The following FRMD4A variants were observed in gnomAD, a reference collection of about 807,000 sequenced individuals.
FRMD4A encodes the protein FERM domain containing 4A, also known as FERM domain-containing protein 4A.
Under a neutral mutation model 129.1 loss-of-function variants are expected in FRMD4A, and 29 were observed. The observed-to-expected ratio is 0.22, with a 90% CI of 0.17 to 0.31. The LOEUF (loss-of-function observed/expected upper bound fraction) is 0.31. Among genes scored for constraint, FRMD4A ranks in the 10% least tolerant of loss-of-function variants. The pLI, the probability that FRMD4A is intolerant of heterozygous loss-of-function variation, is 1.00. For synonymous variants in FRMD4A, 634 were observed against 571.6 expected (o/e 1.11, Z -1.56); for missense variants, 1,272 against 1,375.8 (o/e 0.92, Z 1.19).
intron 2 of FRMD4A, among the ~76,000 whole-genome samples, chr10:14,180,362 G>C (rs1323911946): frequency 6.6e-6 from 1 of 152,168 alleles, no homozygotes; most frequent in Non-Finnish European, 1.5e-5. Flanking sequence ...TTTGCTGTGT[G>C]ACTTTGCCAC....
intron 12 of FRMD4A, 114 bp from the exon 13 acceptor site, chr10:13,707,227 C>T (rs946785078): frequency 2.1e-5 from 17 of 818,140 alleles, no homozygotes; most frequent in Non-Finnish European, 3.2e-5. Context: ...AAACAGAGAC[C>T]GTAGTCTGTG....
intron 12 of FRMD4A, among the ~76,000 whole-genome samples, chr10:13,723,514 A>T (rs1447783520): frequency 1.3e-5 from 2 of 152,206 alleles, no homozygotes; most frequent in Non-Finnish European, 2.9e-5. Context: ...AGAGTTCTGA[A>T]GATCTGTTGC....
intron 5 of FRMD4A, among the ~76,000 whole-genome samples, chr10:13,790,614 G>A (rs1485485222): frequency 2.0e-5 from 3 of 152,160 alleles, no homozygotes; most frequent in African/African-American, 4.8e-5. Flanking sequence ...GAGCATGTTC[G>A]AATGAGCCCA....
At chr10:13,755,509 C>A (rs2091823144) in intron 8 of FRMD4A, among the ~76,000 whole-genome samples, 1 of 152,194 alleles carries the variant, frequency 6.6e-6, no homozygotes, top group Admixed American at 6.5e-5. Context: ...CTCCCCTGGG[C>A]ACCTAATAAC....
chr10:13,784,242 G>A (rs10796127), intron 5 of FRMD4A, among the ~76,000 whole-genome samples: 55,631 of 152,008 alleles, frequency 0.37, 10,310 homozygotes, highest in Middle Eastern at 0.41. Flanking sequence ...GGGAGTCAGA[G>A]AGCAGTGATG....
intron 9 of FRMD4A, among the ~76,000 whole-genome samples, chr10:13,741,041 G>A (rs773763171): frequency 5.9e-5 from 9 of 152,124 alleles, no homozygotes; most frequent in Non-Finnish European, 1.2e-4. Context: ...TGGCCAGGCT[G>A]GTCTCAAACT....
At chr10:13,983,847 A>T (rs566585714) in intron 2 of FRMD4A, among the ~76,000 whole-genome samples, 1 of 151,964 alleles carries the variant, frequency 6.6e-6, no homozygotes, top group South Asian at 2.1e-4. Flanking sequence ...TAAAAAAAAA[A>T]ACAAAAATAG....
Position 14,128,035 on chromosome 10 carries a change from CCTTT to C in FRMD4A, c.45+202019_45+202022del, listed in dbSNP as rs1237526202. On this transcript the variant is annotated intron_variant, in intron 2 of 24. Coordinates refer to ENST00000357447, the MANE Select transcript of FRMD4A (RefSeq NM_018027.5). Reference sequence around the variant, plus strand: ...TTCTTCCTTCCTTCCTTCCTTCCTTCCTTTCTTTCCCTCTTTCTTTCTTTCTTTC... The same window carrying C: ...TTCTTCCTTCCTTCCTTCCTTCCTTCCTTTCCCTCTTTCTTTCTTTCTTTC... Among the ~76,000 whole-genome samples the C allele has an allele frequency of 3.6e-4, 44 of 121,078 alleles. 3 individuals carry two copies. The highest frequency in any genetic ancestry group is 2.6e-3 in the East Asian group (11 of 4,178). The allele number at this position is 121,078 out of a possible 152,430, so 79.4% of individuals were successfully genotyped here. A position where few individuals can be genotyped will look rare whatever the true frequency, so the allele number is the denominator to read the frequency against.
At chr10:14,303,144 C>A (rs763845992) in intron 2 of FRMD4A, among the ~76,000 whole-genome samples, 1 of 152,196 alleles carries the variant, frequency 6.6e-6, no homozygotes, top group Admixed American at 6.5e-5. Context: ...CATTTCAAGG[C>A]AACCCAATCA....
chr10:14,171,212 C>T (rs997197226), intron 2 of FRMD4A, among the ~76,000 whole-genome samples: 4 of 151,886 alleles, frequency 2.6e-5, no homozygotes, highest in Non-Finnish European at 5.9e-5. Context: ...CACCTTCTCT[C>T]TCTCTCTTTT....
intron 3 of FRMD4A, among the ~76,000 whole-genome samples, chr10:13,827,773 T>C (rs550284331): frequency 3.9e-4 from 60 of 152,254 alleles, no homozygotes; most frequent in African/African-American, 1.4e-3. Flanking sequence ...TCTCCAAGCC[T>C]ACCCCCAGGA....
intron 2 of FRMD4A, among the ~76,000 whole-genome samples, chr10:13,993,951 C>A (rs2095612951): frequency 6.7e-6 from 1 of 150,086 alleles, no homozygotes; most frequent in African/African-American, 2.4e-5. Context: ...AAGATGTTTC[C>A]TTTTTATGAA....
At chr10:13,776,145 C>T (rs557052281) in intron 6 of FRMD4A, among the ~76,000 whole-genome samples, 40 of 152,246 alleles carry the variant, frequency 2.6e-4, no homozygotes, top group Middle Eastern at 3.4e-3. Flanking sequence ...CTCTGTCCAC[C>T]GGGCTGGAGT....
chr10:14,224,037 T>A (rs1380761516), intron 2 of FRMD4A, among the ~76,000 whole-genome samples: 1 of 152,178 alleles, frequency 6.6e-6, no homozygotes, highest in African/African-American at 2.4e-5. Flanking sequence ...AAAAGGGACA[T>A]ACATTGTCCA....
intron 14 of FRMD4A, 129 bp from the exon 15 acceptor site, chr10:13,694,168 G>C (rs1367696582): frequency 1.5e-6 from 1 of 674,958 alleles, no homozygotes; most frequent in Non-Finnish European, 2.3e-6. Flanking sequence ...CTAATGTGCA[G>C]CATTTTTGTT....
chr10:14,167,159 G>C (rs1239487641), intron 2 of FRMD4A, among the ~76,000 whole-genome samples: 1 of 152,144 alleles, frequency 6.6e-6, no homozygotes, highest in Non-Finnish European at 1.5e-5. Flanking sequence ...ACACTGATTT[G>C]ACTATATGAA....
chr10:13,775,587 CA>C (rs1298286625), intron 6 of FRMD4A, among the ~76,000 whole-genome samples: 1 of 151,988 alleles, frequency 6.6e-6, no homozygotes, highest in Non-Finnish European at 1.5e-5. Context: ...TGGTGTAAAA[CA>C]AAAAACAGGA....
intron 2 of FRMD4A, among the ~76,000 whole-genome samples, chr10:14,133,744 G>T (rs1839388827): frequency 6.6e-6 from 1 of 152,180 alleles, no homozygotes; most frequent in Admixed American, 6.5e-5. Context: ...TCTAGAATCT[G>T]CCTGTTTCTT....
At chr10:14,147,876 T>A (rs1191728327) in intron 2 of FRMD4A, among the ~76,000 whole-genome samples, 1 of 152,156 alleles carries the variant, frequency 6.6e-6, no homozygotes, top group East Asian at 1.9e-4. Context: ...TAGATTCAAA[T>A]CACAGATCTT....
Sources: gnomAD v4.1 joint callset for allele counts (sites outside exome capture counted in the v4.1 genomes callset) on GRCh38, gnomAD v4.1.1 for gene constraint, MANE v1.5 for transcripts, NCBI Gene and HGNC (gene_info 2026-07-23, HGNC 2026-07-21) for gene names.